METTL15: variants seen among roughly 807,000 people sequenced by gnomAD.
METTL15 encodes 12S rRNA N(4)-cytidine methyltransferase METTL15.
A neutral mutation model predicts 38.3 loss-of-function variants in METTL15; 34 were observed. That is an observed-to-expected ratio of 0.89 (90% CI 0.68 to 1.18). The LOEUF (loss-of-function observed/expected upper bound fraction) is 1.18. Among genes scored for constraint, METTL15 ranks in the 50% most tolerant of loss-of-function variants. The probability of loss-of-function intolerance (pLI) is 0.00; values close to 1 mark genes in which losing one functional copy is unlikely to be tolerated. For synonymous variants in METTL15, 162 were observed against 170.9 expected (o/e 0.95, Z 0.41); for missense variants, 438 against 498.4 (o/e 0.88, Z 1.15).
chr11:28,398,635 C>G (rs1229957859), intron 5 of METTL15, among the ~76,000 whole-genome samples: 2 of 152,114 alleles, frequency 1.3e-5, no homozygotes, highest in Non-Finnish European at 2.9e-5. Context: ...CCTATTCACT[C>G]TGATGATAGT....
chr11:28,395,684 C>G (rs549984161), intron 5 of METTL15, among the ~76,000 whole-genome samples: 1 of 152,266 alleles, frequency 6.6e-6, no homozygotes, highest in African/African-American at 2.4e-5. Flanking sequence ...GGAGCTGGTA[C>G]CATTCCTTCT....
intron 6 of METTL15, among the ~76,000 whole-genome samples, chr11:28,429,171 A>G (rs1036116019): frequency 1.3e-5 from 2 of 152,002 alleles, no homozygotes; most frequent in African/African-American, 4.8e-5. Context: ...TCTCTTCTCA[A>G]TTTTATTTTG....
intron 3 of METTL15, among the ~76,000 whole-genome samples, chr11:28,134,287 T>C (rs756713297): frequency 9.2e-5 from 14 of 152,174 alleles, no homozygotes; most frequent in Non-Finnish European, 1.9e-4. Flanking sequence ...GGTTGCCCAC[T>C]TCACAGTTGA....
chr11:28,273,439 T>C (rs1190377665), intron 4 of METTL15, among the ~76,000 whole-genome samples: 6 of 152,114 alleles, frequency 3.9e-5, no homozygotes, highest in East Asian at 1.9e-4. Flanking sequence ...GGCCCTATTT[T>C]CTACAAGGTA....
intron 6 of METTL15, among the ~76,000 whole-genome samples, chr11:28,511,656 C>T (rs535020417): frequency 2.6e-5 from 4 of 151,958 alleles, no homozygotes. Context: ...TGGAGTTGTT[C>T]GTTCCTCCTG....
At chr11:28,519,097 A>T (rs1851742772) in intron 6 of METTL15, 1 of 152,336 alleles carries the variant, frequency 6.6e-6, no homozygotes, top group South Asian at 2.1e-4. Flanking sequence ...TGGACATCAG[A>T]AATATTTGAC....
chr11:28,209,353 A>C (rs552878994), intron 3 of METTL15, among the ~76,000 whole-genome samples: 5 of 152,088 alleles, frequency 3.3e-5, no homozygotes, highest in African/African-American at 1.2e-4. Flanking sequence ...ACTTCTTAAA[A>C]TTTTCAAATT....
At chr11:28,217,010 C>T (rs988297973) in intron 4 of METTL15, among the ~76,000 whole-genome samples, 1 of 151,836 alleles carries the variant, frequency 6.6e-6, no homozygotes, top group South Asian at 2.1e-4. Flanking sequence ...TGAATAGTGC[C>T]ACAATAAACA....
chr11:28,302,121 C>T (rs1343016216), intron 6 of METTL15, among the ~76,000 whole-genome samples: 1 of 151,968 alleles, frequency 6.6e-6, no homozygotes, highest in African/African-American at 2.4e-5. Flanking sequence ...CTATATTGAC[C>T]GTGCTTGTCT....
chr11:28,393,091 A>G (rs1003617670), intron 5 of METTL15, among the ~76,000 whole-genome samples: 3 of 152,162 alleles, frequency 2.0e-5, no homozygotes, highest in African/African-American at 7.2e-5. Context: ...AAAATGGTGC[A>G]GCCATTATGG....
chr11:28,417,247 A>C (rs956792698), intron 5 of METTL15, among the ~76,000 whole-genome samples: 1 of 152,220 alleles, frequency 6.6e-6, no homozygotes, highest in Non-Finnish European at 1.5e-5. Flanking sequence ...ATCCAGCAGA[A>C]TTCTTATCTC....
chr11:28,363,500 G>A (rs10835315), intron 5 of METTL15, among the ~76,000 whole-genome samples: 14,855 of 152,180 alleles, frequency 0.098, 1,105 homozygotes, highest in East Asian at 0.36. Context: ...TTTGAGAAGT[G>A]TCTGTTCATG....
At position 28,471,011 on chromosome 11, in the gene METTL15, C is replaced by T. The variant is rs556830712; in HGVS notation, c.*424+46647C>T. On this transcript the variant is annotated intron_variant and NMD_transcript_variant, in intron 6 of 7. Coordinates refer to the METTL15 transcript ENST00000532947. The stretch of plus-strand genomic sequence containing the variant: ...CAACTTCTTCTTACCTCTGATATTT[C>T]TGTGGATTCAGTCAGCTCAGCTGGG... 6.6e-5 allele frequency among the ~76,000 whole-genome samples: 10 copies of T among 152,242 alleles called. No homozygotes were observed. In the South Asian group the frequency reaches 2.1e-3, roughly 32 times the overall value.
chr11:28,472,519 C>T (rs902657569), intron 6 of METTL15, among the ~76,000 whole-genome samples: 2 of 152,062 alleles, frequency 1.3e-5, no homozygotes, highest in Non-Finnish European at 1.5e-5. Flanking sequence ...AAGACAGACT[C>T]CCAGAGGCAT....
chr11:28,347,444 C>G (rs1850005645), intron 3 of METTL15, among the ~76,000 whole-genome samples: 1 of 152,200 alleles, frequency 6.6e-6, no homozygotes, highest in Non-Finnish European at 1.5e-5. Flanking sequence ...CTCTTCCAGC[C>G]CTCTCCAGCT....
chr11:28,235,754 A>G (rs950367136), intron 4 of METTL15, among the ~76,000 whole-genome samples: 12 of 152,294 alleles, frequency 7.9e-5, no homozygotes, highest in South Asian at 2.1e-4. Flanking sequence ...ATCTGCAAAC[A>G]GGGACAATTT....
At chr11:28,301,516 A>G (rs1856912811) in intron 6 of METTL15, among the ~76,000 whole-genome samples, 1 of 152,146 alleles carries the variant, frequency 6.6e-6, no homozygotes, top group Non-Finnish European at 1.5e-5. Flanking sequence ...CAACAGCCAC[A>G]TGTGGCTATA....
chr11:28,422,294 A>G (rs1029652922), intron 5 of METTL15, among the ~76,000 whole-genome samples: 1 of 152,080 alleles, frequency 6.6e-6, no homozygotes, highest in African/African-American at 2.4e-5. Flanking sequence ...TGCAATCTCT[A>G]TCAAAATACC....
At chr11:28,133,151 A>G (rs1383840266) in intron 3 of METTL15, among the ~76,000 whole-genome samples, 4 of 152,198 alleles carry the variant, frequency 2.6e-5, no homozygotes, top group African/African-American at 9.7e-5. Context: ...GGGTATCGTA[A>G]TTTTGTAAAT....
Sources: gnomAD v4.1 joint callset for allele counts (sites outside exome capture counted in the v4.1 genomes callset) on GRCh38, gnomAD v4.1.1 for gene constraint, MANE v1.5 for transcripts, NCBI Gene and HGNC (gene_info 2026-07-23, HGNC 2026-07-21) for gene names.